VDAC1: variants seen among roughly 807,000 people sequenced by gnomAD.
VDAC1 encodes voltage dependent anion channel 1, also known as non-selective voltage-gated ion channel VDAC1.
A neutral mutation model predicts 34.7 loss-of-function variants in VDAC1; 10 were observed. The observed-to-expected ratio is 0.29, with a 90% confidence interval of 0.18 to 0.49. The LOEUF is 0.49. VDAC1 is among the 20% of genes least tolerant of loss of function. The pLI is 0.99. For synonymous variants in VDAC1, 130 were observed against 136.0 expected, an observed-to-expected ratio of 0.96 and a Z score of 0.30; for missense variants, 230 against 347.9, an observed-to-expected ratio of 0.66 and a Z score of 2.69.
chr5:133,998,048 C>G (rs1257587359), intron 1 of VDAC1, among the ~76,000 whole-genome samples: 1 of 132,038 alleles, frequency 7.6e-6, no homozygotes, highest in Non-Finnish European at 1.6e-5. Flanking sequence ...GCCTGGGCAA[C>G]AAGAGTAAAA....
At chr5:134,085,869 G>C in the VDAC1 span, among the ~76,000 whole-genome samples, 1 of 152,058 alleles carries the variant, frequency 6.6e-6, no homozygotes, top group South Asian at 2.1e-4. Context: ...GATCAGCCTG[G>C]GTGACAGAAT....
chr5:134,035,862 C>T, the VDAC1 span, among the ~76,000 whole-genome samples: 6 of 151,876 alleles, frequency 4.0e-5, no homozygotes, highest in Non-Finnish European at 8.8e-5. Flanking sequence ...AAAAATTAGC[C>T]GGGCGCAGTG....
At chr5:133,975,096 G>A (rs1222453248) in intron 7 of VDAC1, among the ~76,000 whole-genome samples, 1 of 151,990 alleles carries the variant, frequency 6.6e-6, no homozygotes, top group African/African-American at 2.4e-5. Context: ...GTGAGACATT[G>A]TCTCTACTAA....
At chr5:134,032,720 T>C in the VDAC1 span, among the ~76,000 whole-genome samples, 2 of 152,136 alleles carry the variant, frequency 1.3e-5, no homozygotes, top group African/African-American at 4.8e-5. Flanking sequence ...CTCCTTTTCA[T>C]GTAAGAAAGA....
upstream of VDAC1, among the ~76,000 whole-genome samples, chr5:134,006,770 A>T (rs942392021): frequency 7.2e-6 from 1 of 138,802 alleles, no homozygotes; most frequent in African/African-American, 2.6e-5. Flanking sequence ...ACAAAAAAAA[A>T]CAACAACTTG....
the VDAC1 span, among the ~76,000 whole-genome samples, chr5:134,058,783 G>A: frequency 2.0e-5 from 3 of 152,168 alleles, no homozygotes; most frequent in African/African-American, 7.2e-5. Context: ...GGGCCTTCCT[G>A]AGGCAGAGGG....
chr5:134,055,593 T>TG, the VDAC1 span, among the ~76,000 whole-genome samples: 190 of 33,994 alleles, frequency 5.6e-3, 1 homozygote, highest in Middle Eastern at 0.021. Context: ...CTAATGTTTT[T>TG]TTTTTTTTTT....
chr5:134,068,483 T>C, the VDAC1 span, among the ~76,000 whole-genome samples: 22 of 152,148 alleles, frequency 1.4e-4, no homozygotes, highest in Non-Finnish European at 2.8e-4. Context: ...AGTTTAGAAT[T>C]TGGGGAAAAC....
chr5:134,007,656 G>C (rs1753778278), upstream of VDAC1, among the ~76,000 whole-genome samples: 1 of 152,136 alleles, frequency 6.6e-6, no homozygotes, highest in Non-Finnish European at 1.5e-5. Flanking sequence ...GAGAAACCCA[G>C]GGATGAGTAT....
the VDAC1 span, among the ~76,000 whole-genome samples, chr5:134,060,880 C>CTATTTTTTTTT: frequency 1.0e-5 from 1 of 98,672 alleles, no homozygotes; most frequent in African/African-American, 4.4e-5. Flanking sequence ...TCTTCTTCTT[C>CTATTTTTTTTT]TTTTTTTTTT....
chr5:133,976,208 T>A, intron 6 of VDAC1, 187 bp from the exon 7 acceptor site: 2 of 658,872 alleles, frequency 3.0e-6, no homozygotes, highest in Non-Finnish European at 5.1e-6. Context: ...GTCTGATAAG[T>A]ATGGAACAGG....
chr5:134,054,329 T>A, the VDAC1 span, among the ~76,000 whole-genome samples: 1 of 152,190 alleles, frequency 6.6e-6, no homozygotes, highest in Admixed American at 6.5e-5. Context: ...CTCAGGGCTC[T>A]CCTGGCTGGA....
At chr5:133,980,688 A>ATGGG in intron 6 of VDAC1, 41 bp downstream of exon 6, 1 of 612,642 alleles carries the variant, frequency 1.6e-6, no homozygotes, top group Non-Finnish European at 3.1e-6. Flanking sequence ...CACATGCTCC[A>ATGGG]ACCCCACCCC....
the VDAC1 span, among the ~76,000 whole-genome samples, chr5:134,051,668 G>GTTTTTTTTTTTTTTTTGTTTTTTTTT: frequency 7.1e-6 from 1 of 141,368 alleles, no homozygotes. Context: ...TGGGCAGTTT[G>GTTTTTTTTTTTTTTTTGTTTTTTTTT]TTTTTTTTTT....
At chr5:133,975,464 C>CTTT (rs879616685) in intron 7 of VDAC1, among the ~76,000 whole-genome samples, 1 of 139,770 alleles carries the variant, frequency 7.2e-6, no homozygotes, top group African/African-American at 2.6e-5. Flanking sequence ...GAGACGGAGT[C>CTTT]TTTTTTTTTT....
chr5:134,009,173 A>G (rs540022046), upstream of VDAC1, among the ~76,000 whole-genome samples: 1 of 151,824 alleles, frequency 6.6e-6, no homozygotes, highest in African/African-American at 2.4e-5. Context: ...TTTTGTATAT[A>G]TATACACAGA....
chr5:134,101,199 A>G, the VDAC1 span, among the ~76,000 whole-genome samples: 1 of 152,204 alleles, frequency 6.6e-6, no homozygotes, highest in South Asian at 2.1e-4. Flanking sequence ...CATGGCTTCA[A>G]ATCCTGCTCC....
chr5:134,106,959 C>T, the VDAC1 span, among the ~76,000 whole-genome samples: 1 of 152,178 alleles, frequency 6.6e-6, no homozygotes, highest in African/African-American at 2.4e-5. Flanking sequence ...CTCTGTCCTC[C>T]CTGGCCCCAG....
At chr5:134,111,450 C>G in the VDAC1 span, among the ~76,000 whole-genome samples, 1 of 152,152 alleles carries the variant, frequency 6.6e-6, no homozygotes, top group East Asian at 1.9e-4. Flanking sequence ...ATTGCACTCA[C>G]TACCCTGTGG....
Sources: gnomAD v4.1 joint callset for allele counts (sites outside exome capture counted in the v4.1 genomes callset) on GRCh38, gnomAD v4.1.1 for gene constraint, MANE v1.5 for transcripts, NCBI Gene and HGNC (gene_info 2026-07-23, HGNC 2026-07-21) for gene names.